The following NFATC2IP variants were observed in gnomAD, a reference collection of about 807,000 sequenced individuals.
The protein encoded by NFATC2IP is NFATC2-interacting protein.
In NFATC2IP, 25 loss-of-function variants were observed where a neutral mutation model predicts 40.2. The observed-to-expected ratio is 0.62, with a 90% CI of 0.45 to 0.87. The LOEUF (loss-of-function observed/expected upper bound fraction) is 0.87. Ranked by LOEUF, NFATC2IP falls within the 40% of genes least tolerant of loss-of-function variation. The probability of loss-of-function intolerance (pLI) is 0.00; values close to 1 mark genes in which losing one functional copy is unlikely to be tolerated. For synonymous variants in NFATC2IP, 241 were observed against 236.3 expected, an observed-to-expected ratio of 1.02 and a Z score of -0.18; for missense variants, 553 against 555.6, an observed-to-expected ratio of 1.00 and a Z score of 0.05.
rs1241720014 is a variant in NFATC2IP, at chr16:28,964,749, T to C, written c.*886T>C. ...TAGGTCTTATGCTGTTTTCACTCAA[T>C]GTGTGCTAAGATCTAGCCCCATTGA... On this transcript the variant is annotated 3_prime_UTR_variant, in exon 8 of 8. Coordinates refer to ENST00000320805, the MANE Select transcript of NFATC2IP (RefSeq NM_032815.4). 1.3e-5 allele frequency: 2 copies of C among 152,284 alleles called. No individual in the cohort carries two copies. Among genetic ancestry groups the C allele is most frequent in the Non-Finnish European group, 2.9e-5 (2 of 68,054 alleles). 9.4% of individuals were successfully genotyped at this position (152,284 alleles called of 1,614,324 possible).
At position 28,958,701 on chromosome 16, in the gene NFATC2IP, T is replaced by C. The variant is rs375447047; in HGVS notation, c.847-16T>C. Reference sequence around the variant, plus strand: ...AAGGCAGGAAGACCTCTTTTGCTTGTTGTCCCCATCCCTAGTCGGAGCCCC... The same window carrying C: ...AAGGCAGGAAGACCTCTTTTGCTTGCTGTCCCCATCCCTAGTCGGAGCCCC... On this transcript the variant is annotated splice_polypyrimidine_tract_variant and intron_variant, in intron 5 of 7. Coordinates refer to ENST00000320805, the MANE Select transcript of NFATC2IP (RefSeq NM_032815.4). 12 of 1,598,712 alleles carry C rather than the reference T, an allele frequency of 7.5e-6. No individual in the cohort carries two copies. In the African/African-American group the frequency reaches 1.6e-4, roughly 22 times the overall value.
At chr16:28,958,117 G>GA (rs59221711) in intron 5 of NFATC2IP, among the ~76,000 whole-genome samples, 71,601 of 147,538 alleles carry the variant, frequency 0.49, 18,863 homozygotes, top group African/African-American at 0.73. Flanking sequence ...AAAATAGAAA[G>GA]AAAAAAAAAA....
intron 7 of NFATC2IP, among the ~76,000 whole-genome samples, chr16:28,959,614 C>T (rs1417387998): frequency 1.4e-5 from 2 of 141,000 alleles, no homozygotes; most frequent in South Asian, 2.2e-4. Flanking sequence ...CTCGCCCTGT[C>T]GCCCAGGCTG....
intron 2 of NFATC2IP, among the ~76,000 whole-genome samples, chr16:28,953,426 G>A (rs1209992348): frequency 6.6e-6 from 1 of 152,174 alleles, no homozygotes; most frequent in Non-Finnish European, 1.5e-5. Context: ...TCAAAGTGGG[G>A]ATAATAGTAG....
rs752265325 is a variant in NFATC2IP, at chr16:28,954,707, C to T, written c.578+25C>T. ...TGTGAGTGAGGCCAGGGCCCTTGGG[C>T]CCTGGGAGCAGGAAGTGAGTTGGAG... is the stretch of plus-strand genomic sequence containing the variant. On this transcript the variant is annotated intron_variant, in intron 3 of 7. Transcript: ENST00000320805. The T allele has an allele frequency of 6.7e-6, 10 of 1,499,240 alleles. No homozygotes were observed. The South Asian group carries it at 1.0e-4, about 15-fold the overall frequency. 92.9% of individuals were successfully genotyped at this position (1,499,240 alleles called of 1,614,324 possible).
intron 7 of NFATC2IP, among the ~76,000 whole-genome samples, chr16:28,963,038 T>C (rs1305387056): frequency 6.6e-6 from 1 of 152,154 alleles, no homozygotes; most frequent in Non-Finnish European, 1.5e-5. Context: ...AAAACTTAGC[T>C]GGGTGTGGTG....
intron 7 of NFATC2IP, among the ~76,000 whole-genome samples, chr16:28,961,050 A>C (rs1315248413): frequency 6.6e-6 from 1 of 152,134 alleles, no homozygotes; most frequent in African/African-American, 2.4e-5. Context: ...AGCTTTGGCC[A>C]GGCACAGTGC....
intron 5 of NFATC2IP, among the ~76,000 whole-genome samples, chr16:28,958,005 G>C (rs1459495354): frequency 6.6e-6 from 1 of 151,908 alleles, no homozygotes; most frequent in Non-Finnish European, 1.5e-5. Context: ...TGGTGCCACT[G>C]CCTTCCAGCC....
rs1011443259 is a variant in NFATC2IP at position 28,964,083 on chromosome 16, G to A, written c.*220G>A. On this transcript the variant is annotated 3_prime_UTR_variant, in exon 8 of 8. Coordinates refer to ENST00000320805, the MANE Select transcript of NFATC2IP (RefSeq NM_032815.4). ...GTTGCCCTGGGTGGCCTGTGGCTCC[G>A]TCCACAAGTCATGCTGAGTTTTGCA... is the stretch of plus-strand genomic sequence containing the variant. 2.4e-5 allele frequency: 13 copies of A among 533,594 alleles called. No individual in the cohort carries two copies. Among genetic ancestry groups the A allele is most frequent in the African/African-American group, 5.7e-5 (3 of 52,852 alleles). 33.1% of individuals were successfully genotyped at this position (533,594 alleles called of 1,614,324 possible).
In NFATC2IP at chr16:28,956,077, C is replaced by G. The variant is rs1420720362; in HGVS notation, c.659+19C>G. 2 of 1,613,662 alleles carry G rather than the reference C, an allele frequency of 1.2e-6. No homozygotes were observed. Among genetic ancestry groups the G allele is most frequent in the Admixed American group, 3.3e-5 (2 of 60,006 alleles). On this transcript the variant is annotated intron_variant, in intron 4 of 7. Transcript: ENST00000320805. The stretch of plus-strand genomic sequence containing the variant: ...AGTTAAGGTGCCAAGTGCAGGGGCT[C>G]TGGCTGGGATGGAAGAGGGCAATCC...
chr16:28,955,425 G>A (rs1037501594), intron 3 of NFATC2IP, among the ~76,000 whole-genome samples: 3 of 152,042 alleles, frequency 2.0e-5, no homozygotes, highest in Non-Finnish European at 2.9e-5. Context: ...GCCGTCTGTC[G>A]GATATTATTG....
intron 5 of NFATC2IP, among the ~76,000 whole-genome samples, chr16:28,958,095 C>T (rs1287688999): frequency 6.7e-6 from 1 of 148,522 alleles, no homozygotes; most frequent in Non-Finnish European, 1.5e-5. Flanking sequence ...ATGGTGAAGC[C>T]CGCCTCTACT....
chr16:28,960,546 C>G (rs76537548), intron 7 of NFATC2IP, among the ~76,000 whole-genome samples: 3,393 of 152,280 alleles, frequency 0.022, 134 homozygotes, highest in African/African-American at 0.078. Flanking sequence ...TCCTCTCTCT[C>G]TCTCTCTGCG....
At chr16:28,958,449 G>A (rs1057427719) in intron 5 of NFATC2IP, 2 of 379,716 alleles carry the variant, frequency 5.3e-6, no homozygotes, top group Admixed American at 4.3e-5. Flanking sequence ...CAGCCAGCCT[G>A]TCTAGGTGGC....
chr16:28,961,816 C>T (rs1290041025), intron 7 of NFATC2IP, among the ~76,000 whole-genome samples: 1 of 145,772 alleles, frequency 6.9e-6, no homozygotes, highest in Non-Finnish European at 1.5e-5. Flanking sequence ...AGAAGAATCG[C>T]TTGAACCTGG....
Position 28,954,597 on chromosome 16 carries a change from C to T in NFATC2IP, c.493C>T (p.His165Tyr), listed in dbSNP as rs1486628075. 1 of 1,613,946 alleles carries T rather than the reference C, an allele frequency of 6.2e-7. No homozygotes were observed. The highest frequency in any genetic ancestry group is 8.5e-7 in the Non-Finnish European group (1 of 1,179,866). ...GCTGGCAGATTCGAGTGGTCTCTAC[C>T]ATGAGGGCTCCCCATCACCAGGCTC... ...AELADSSGLY[H>Y]EGSPSPGSPW... Residue 165 changes from histidine to tyrosine, a missense_variant, in exon 3 of 8, where the codon CAT (histidine) becomes TAT (tyrosine). His to Tyr is a moderately conservative substitution (Grantham distance 83). Coordinates refer to ENST00000320805, the MANE Select transcript of NFATC2IP (RefSeq NM_032815.4).
At chr16:28,961,613 A>G (rs1025529429) in intron 7 of NFATC2IP, among the ~76,000 whole-genome samples, 2 of 152,080 alleles carry the variant, frequency 1.3e-5, no homozygotes, top group African/African-American at 2.4e-5. Flanking sequence ...AACAAAAAAG[A>G]GACAGGGCCA....
rs771333186 is a variant in NFATC2IP, at chr16:28,952,201, G to T, written c.457G>T (p.Glu153Ter). ...LLKLYPPGDE[E>*]EAELADSSGL... ...GAAACTCTACCCTCCAGGGGATGAGGAAGGTAAGGGAGGGCCTCCAGGGAG... is the reference window on the plus strand; with the variant it reads ...GAAACTCTACCCTCCAGGGGATGAGTAAGGTAAGGGAGGGCCTCCAGGGAG... Residue 153 changes from glutamate (E) to a stop codon, truncating the protein, a stop_gained, in exon 2 of 8, where the codon GAA becomes TAA. Coordinates refer to ENST00000320805, the MANE Select transcript of NFATC2IP (RefSeq NM_032815.4). LOFTEE classifies it high-confidence loss of function. The T allele has an allele frequency of 6.2e-7, 1 of 1,613,868 alleles. No homozygotes were observed. The highest frequency in any genetic ancestry group is 2.2e-5 in the East Asian group (1 of 44,880).
chr16:28,962,684 A>G (rs1965100207), intron 7 of NFATC2IP, among the ~76,000 whole-genome samples: 1 of 152,184 alleles, frequency 6.6e-6, no homozygotes, highest in African/African-American at 2.4e-5. Flanking sequence ...GGAATTTTAT[A>G]CCAGGAAACA....
Sources: gnomAD v4.1 joint callset for allele counts (sites outside exome capture counted in the v4.1 genomes callset) on GRCh38, gnomAD v4.1.1 for gene constraint, MANE v1.5 for transcripts, NCBI Gene and HGNC (gene_info 2026-07-23, HGNC 2026-07-21) for gene names.